The following CRY1 variants were observed in gnomAD, a reference collection of about 807,000 sequenced individuals.
The protein encoded by CRY1 is cryptochrome circadian regulator 1.
In CRY1, 45 loss-of-function variants were observed where a neutral mutation model predicts 76.0. The ratio of observed to expected loss-of-function variants is 0.59; its 90% CI spans 0.47 to 0.76. The LOEUF (loss-of-function observed/expected upper bound fraction) is 0.76, where lower values mean the gene tolerates loss of function less well. Ranked by LOEUF, CRY1 falls within the 30% of genes least tolerant of loss-of-function variation. CRY1 has a pLI of 0.00. For missense variants in CRY1, 587 were observed against 716.4 expected (o/e 0.82, Z 2.06); for synonymous variants, 248 against 244.0 (o/e 1.02, Z -0.15).
intron 1 of CRY1, among the ~76,000 whole-genome samples, chr12:107,062,278 A>G (rs1272216862): frequency 1.3e-5 from 2 of 152,078 alleles, no homozygotes; most frequent in African/African-American, 4.8e-5. Context: ...TTGACTCAAG[A>G]TATTTTCAGG....
At chr12:107,066,081 A>G (rs1210207851) in intron 1 of CRY1, among the ~76,000 whole-genome samples, 1 of 152,240 alleles carries the variant, frequency 6.6e-6, no homozygotes, top group Non-Finnish European at 1.5e-5. Context: ...CCTAGTTTTT[A>G]CTAGGAATAA....
intron 1 of CRY1, among the ~76,000 whole-genome samples, chr12:107,080,707 T>TC (rs1953312061): frequency 6.6e-6 from 1 of 151,928 alleles, no homozygotes; most frequent in African/African-American, 2.4e-5. Flanking sequence ...ATTTAAAGTA[T>TC]CCTTTGGATA....
chr12:107,019,156 G>GT (rs1350419590), intron 2 of CRY1, among the ~76,000 whole-genome samples: 1 of 152,112 alleles, frequency 6.6e-6, no homozygotes, highest in African/African-American at 2.4e-5. Flanking sequence ...AGAAACTGTG[G>GT]TTGTGATGGT....
intron 1 of CRY1, among the ~76,000 whole-genome samples, chr12:107,090,918 C>A (rs1953463744): frequency 6.6e-6 from 1 of 152,170 alleles, no homozygotes; most frequent in South Asian, 2.1e-4. Flanking sequence ...GCTTCACTTT[C>A]TTAGCAAAGT....
intron 8 of CRY1, 37 bp from the exon 9 acceptor site, chr12:106,997,727 A>ACT (rs768759215): frequency 6.2e-7 from 1 of 1,606,882 alleles, no homozygotes; most frequent in South Asian, 1.1e-5. Context: ...AATAAAATGC[A>ACT]CTCTAAGCAA....
chr12:106,994,673 A>G (rs1262108159), intron 10 of CRY1, among the ~76,000 whole-genome samples: 7 of 152,214 alleles, frequency 4.6e-5, no homozygotes, highest in Admixed American at 3.3e-4. Context: ...TTAGCTTTTG[A>G]AGATAATTCC....
At chr12:107,090,041 C>T (rs115304843) in intron 1 of CRY1, among the ~76,000 whole-genome samples, 1,886 of 152,156 alleles carry the variant, frequency 0.012, 32 homozygotes, top group African/African-American at 0.043. Flanking sequence ...TAGCATCTGA[C>T]GTAAGTAAAA....
At chr12:107,090,432 C>T (rs1350882482) in intron 1 of CRY1, among the ~76,000 whole-genome samples, 2 of 152,182 alleles carry the variant, frequency 1.3e-5, no homozygotes, top group East Asian at 3.8e-4. Context: ...GGGTTTTCTT[C>T]TTACATTACT....
At chr12:106,993,466 C>T (rs1160823900) in intron 10 of CRY1, among the ~76,000 whole-genome samples, 1 of 151,298 alleles carries the variant, frequency 6.6e-6, no homozygotes, top group Non-Finnish European at 1.5e-5. Context: ...TCAAATCATA[C>T]GACAAGCAGA....
intron 1 of CRY1, among the ~76,000 whole-genome samples, chr12:107,063,369 G>T (rs1332466544): frequency 1.3e-5 from 2 of 152,162 alleles, no homozygotes; most frequent in Non-Finnish European, 1.5e-5. Context: ...CTGACAAATA[G>T]ATAAAAAGGA....
rs1278377412 is a variant in CRY1 at position 107,001,955 on chromosome 12, C to T, written c.411-7G>A. ...ACCATTGAGTTCTATGATCCTATAACAAGAGTTAGTAAAATGTAGTTAGTA... is the reference window on the plus strand; with the variant it reads ...ACCATTGAGTTCTATGATCCTATAATAAGAGTTAGTAAAATGTAGTTAGTA... On this transcript the variant is annotated splice_polypyrimidine_tract_variant and splice_region_variant and intron_variant, in intron 3 of 12. Transcript: ENST00000008527. The T allele has an allele frequency of 6.4e-7, 1 of 1,563,584 alleles. No individual in the cohort carries two copies. The highest frequency in any genetic ancestry group is 1.2e-5 in the South Asian group (1 of 80,310).
chr12:107,065,586 ACT>A (rs1235426247), intron 1 of CRY1, among the ~76,000 whole-genome samples: 1 of 151,950 alleles, frequency 6.6e-6, no homozygotes, highest in Non-Finnish European at 1.5e-5. Context: ...CAAGAGCGAA[ACT>A]CTGTTTCAAA....
chr12:106,999,971 A>G lies in CRY1; in HGVS notation c.796T>C (p.Tyr266His), dbSNP rs1255846425. Residue 266 changes from tyrosine (Y) to histidine (H), a missense_variant, in exon 6 of 13, where the codon TAC (tyrosine) becomes CAC (histidine). By Grantham distance (83) the Tyr-to-His change is moderately conservative. Coordinates refer to ENST00000008527, the MANE Select transcript of CRY1 (RefSeq NM_004075.5). Reference protein sequence around the residue: ...RFGCLSCRLFYFKLTDLYKKV... With the variant: ...RFGCLSCRLFHFKLTDLYKKV... ...TTGTAGAGATCTGTTAGTTTGAAGT[A>G]AAACAGTCGACATGACAAACAACCA... The G allele has an allele frequency of 6.2e-7, 1 of 1,611,532 alleles. No individual in the cohort carries two copies.
rs146142950 is a variant in CRY1, at chr12:107,001,570, G to T, written c.595+194C>A. Among the ~76,000 whole-genome samples the T allele has an allele frequency of 8.5e-4, 130 of 152,230 alleles. No homozygotes were observed. In the East Asian group the frequency reaches 0.022, roughly 25 times the overall value. On this transcript the variant is annotated intron_variant, in intron 4 of 12. Transcript: ENST00000008527. ...TGTACATCTTAAGGTGGTAACAATA[G>T]ATCACATATTTATAAAACACATAAA...
At position 107,005,194 on chromosome 12, in the gene CRY1, C is replaced by G; in HGVS notation, c.322G>C (p.Glu108Gln). 6.2e-7 allele frequency: 1 copy of G among 1,613,574 alleles called. No homozygotes were observed. ...AGTTTCTTAATAGCTGCGTCTCGTT[C>G]CTTTCCAAAGGGCTCAGAATCATAC... ...IEYDSEPFGK[E>Q]RDAAIKKLAT... The change falls in exon 3 of 13, where the codon GAA becomes CAA. Residue 108 changes from glutamate to glutamine, a missense_variant. By Grantham distance (29) the Glu-to-Gln change is conservative. Transcript: ENST00000008527.
chr12:107,032,186 G>A (rs1289796589), intron 1 of CRY1, among the ~76,000 whole-genome samples: 3 of 150,866 alleles, frequency 2.0e-5, no homozygotes, highest in African/African-American at 7.3e-5. Context: ...CACCTGCCTC[G>A]GCCTCCCAAA....
chr12:107,010,684 T>A (rs1200770970), intron 2 of CRY1, among the ~76,000 whole-genome samples: 2 of 152,000 alleles, frequency 1.3e-5, no homozygotes, highest in Non-Finnish European at 2.9e-5. Flanking sequence ...CCTCAAGTGA[T>A]CCTCCCATTT....
intron 1 of CRY1, among the ~76,000 whole-genome samples, chr12:107,029,918 TTTCC>T (rs1467304233): frequency 2.6e-5 from 4 of 152,224 alleles, no homozygotes; most frequent in Non-Finnish European, 5.9e-5. Flanking sequence ...TGGATTTTTC[TTTCC>T]TTGTTTTGAT....
intron 3 of CRY1, 100 bp downstream of exon 3, chr12:107,005,006 A>C: frequency 9.5e-7 from 1 of 1,057,096 alleles, no homozygotes; most frequent in Non-Finnish European, 1.3e-6. Flanking sequence ...AAACTTATCT[A>C]TGTAGTTAAT....
Sources: gnomAD v4.1 joint callset for allele counts (sites outside exome capture counted in the v4.1 genomes callset) on GRCh38, gnomAD v4.1.1 for gene constraint, MANE v1.5 for transcripts, NCBI Gene and HGNC (gene_info 2026-07-23, HGNC 2026-07-21) for gene names.